Variants in TMEM117 observed in about 807,000 individuals in gnomAD.
The protein encoded by TMEM117 is transmembrane protein 117.
In TMEM117, 27 loss-of-function variants were observed where a neutral mutation model predicts 52.4. The observed-to-expected ratio is 0.51, with a 90% confidence interval of 0.38 to 0.71. The LOEUF is 0.71. TMEM117 is among the 30% of genes least tolerant of loss of function. TMEM117 has a pLI of 0.00. For missense variants in TMEM117, 556 were observed against 630.5 expected, an observed-to-expected ratio of 0.88 and a Z score of 1.26; for synonymous variants, 215 against 206.3, an observed-to-expected ratio of 1.04 and a Z score of -0.36.
chr12:43,993,656 TATTAA>T (rs1353517369), intron 3 of TMEM117, among the ~76,000 whole-genome samples: 1 of 152,170 alleles, frequency 6.6e-6, no homozygotes, highest in African/African-American at 2.4e-5. Context: ...GAATTGTTTA[TATTAA>T]ATTAAAAACC....
In TMEM117 at chr12:44,075,630, G is replaced by C. The variant is rs145920928; in HGVS notation, c.411-67895G>C. Among the ~76,000 whole-genome samples the C allele has an allele frequency of 3.2e-4, 49 of 152,264 alleles. No individual in the cohort carries two copies. In the East Asian group the frequency reaches 9.1e-3, roughly 28 times the overall value. ...TAGGAAAGGATATGCCAGTGGTAAG[G>C]TCAAGTCAGGCAGTGAGTTTAATCT... On this transcript the variant is annotated intron_variant, in intron 3 of 7. Coordinates refer to ENST00000266534, the MANE Select transcript of TMEM117 (RefSeq NM_032256.3).
chr12:44,143,856 G>A (rs138917718), intron 4 of TMEM117, among the ~76,000 whole-genome samples: 40 of 152,014 alleles, frequency 2.6e-4, no homozygotes, highest in African/African-American at 8.7e-4. Context: ...TCTGTCGATC[G>A]ATCTATCTAT....
At chr12:43,987,012 C>T (rs1945859162) in intron 3 of TMEM117, among the ~76,000 whole-genome samples, 1 of 152,088 alleles carries the variant, frequency 6.6e-6, no homozygotes, top group African/African-American at 2.4e-5. Context: ...CAAATTCTTT[C>T]GTTGAAGCCC....
intron 6 of TMEM117, among the ~76,000 whole-genome samples, chr12:44,303,762 A>T (rs1950871257): frequency 6.6e-6 from 1 of 152,116 alleles, no homozygotes. Flanking sequence ...TATCCCACCC[A>T]CCGTTCTTCT....
chr12:44,380,593 C>T (rs925740439), intron 7 of TMEM117, among the ~76,000 whole-genome samples: 3 of 152,154 alleles, frequency 2.0e-5, no homozygotes, highest in Admixed American at 6.5e-5. Flanking sequence ...TTCCTTAGCC[C>T]TTCAGAGACT....
intron 1 of TMEM117, among the ~76,000 whole-genome samples, chr12:43,838,012 G>A (rs1017788630): frequency 2.6e-5 from 4 of 152,260 alleles, no homozygotes; most frequent in African/African-American, 7.2e-5. Flanking sequence ...ACCACTTATG[G>A]TGGTTTTATT....
At chr12:43,812,355 T>C in the TMEM117 span, among the ~76,000 whole-genome samples, 1 of 152,188 alleles carries the variant, frequency 6.6e-6, no homozygotes, top group African/African-American at 2.4e-5. Flanking sequence ...AGAATCAAGC[T>C]TGTTAGAGGA....
intron 5 of TMEM117, among the ~76,000 whole-genome samples, chr12:44,282,322 G>T (rs1950587844): frequency 6.6e-6 from 1 of 152,162 alleles, no homozygotes. Context: ...TTGGAACTGG[G>T]TAACAGGCAG....
At chr12:44,083,403 T>G (rs1947515568) in intron 3 of TMEM117, among the ~76,000 whole-genome samples, 1 of 145,788 alleles carries the variant, frequency 6.9e-6, no homozygotes, top group Non-Finnish European at 1.5e-5. Flanking sequence ...TTTTTTTTTT[T>G]TTTTTTTTTT....
chr12:44,160,819 C>CT (rs1437402917), intron 4 of TMEM117, among the ~76,000 whole-genome samples: 2 of 152,082 alleles, frequency 1.3e-5, no homozygotes, highest in Non-Finnish European at 2.9e-5. Context: ...AGAAATTACC[C>CT]TATCAATGCC....
intron 5 of TMEM117, among the ~76,000 whole-genome samples, chr12:44,288,793 A>ATG (rs1449068866): frequency 6.6e-6 from 1 of 152,210 alleles, no homozygotes; most frequent in Non-Finnish European, 1.5e-5. Flanking sequence ...ATACATATGC[A>ATG]TGTATCAACA....
intron 5 of TMEM117, among the ~76,000 whole-genome samples, chr12:44,287,700 A>G (rs978978604): frequency 2.6e-5 from 4 of 152,232 alleles, no homozygotes; most frequent in African/African-American, 9.6e-5. Flanking sequence ...AGTGCTTCCT[A>G]TGAAAGGCAT....
In TMEM117 at chr12:44,120,969, A is replaced by G. The variant is rs1592534542; in HGVS notation, c.411-22556A>G. Among the ~76,000 whole-genome samples, 11 of 152,324 alleles carry G rather than the reference A, an allele frequency of 7.2e-5. No individual in the cohort carries two copies. In the South Asian group the frequency reaches 2.1e-3, roughly 29 times the overall value. The stretch of plus-strand genomic sequence containing the variant: ...CCCAAGACTGGGCAATTTACAAAAG[A>G]AAGAGGTTTATTGGACTTACAGTTC... On this transcript the variant is annotated intron_variant, in intron 3 of 7. Coordinates refer to ENST00000266534, the MANE Select transcript of TMEM117 (RefSeq NM_032256.3).
chr12:44,011,818 C>G (rs1027914423), intron 3 of TMEM117, among the ~76,000 whole-genome samples: 2 of 151,928 alleles, frequency 1.3e-5, no homozygotes, highest in African/African-American at 2.4e-5. Flanking sequence ...GGTGTTATAC[C>G]AAACTTCGTT....
Position 44,184,456 on chromosome 12 carries a change from G to A in TMEM117, c.511-26834G>A, listed in dbSNP as rs114365503. ...CAGAAAAAGGCAGAAGAGTTAGGGA[G>A]ATGCAGCAGGAGATATGGGGCAGAT... On this transcript the variant is annotated intron_variant, in intron 4 of 7. Coordinates refer to ENST00000266534, the MANE Select transcript of TMEM117 (RefSeq NM_032256.3). Among the ~76,000 whole-genome samples the A allele has an allele frequency of 8.1e-3, 1,236 of 152,296 alleles. 13 individuals carry two copies. The highest frequency in any genetic ancestry group is 0.028 in the African/African-American group (1,177 of 41,566).
intron 1 of TMEM117, among the ~76,000 whole-genome samples, chr12:43,838,145 A>T (rs77898379): frequency 1.3e-5 from 2 of 151,990 alleles, no homozygotes; most frequent in East Asian, 3.9e-4. Context: ...TTTAACCTGT[A>T]TTAGGCACTT....
chr12:44,074,745 T>C (rs1947355015), intron 3 of TMEM117, among the ~76,000 whole-genome samples: 1 of 152,166 alleles, frequency 6.6e-6, no homozygotes, highest in South Asian at 2.1e-4. Context: ...AAGTAAAAAC[T>C]GCAATTCTTA....
At position 44,243,423 on chromosome 12, in the gene TMEM117, A is replaced by G. The variant is rs188969408; in HGVS notation, c.608+32036A>G. 7.6e-3 allele frequency among the ~76,000 whole-genome samples: 1,156 copies of G among 152,058 alleles called. 5 individuals are homozygous for G. Among genetic ancestry groups the G allele is most frequent in the Non-Finnish European group, 0.013 (866 of 67,878 alleles). On this transcript the variant is annotated intron_variant, in intron 5 of 7. Coordinates refer to ENST00000266534, the MANE Select transcript of TMEM117 (RefSeq NM_032256.3). ...ACACACTCCTGAAAATGTAAAAATT[A>G]GATTAAATACTAATTTTAAATAAAT...
intron 5 of TMEM117, among the ~76,000 whole-genome samples, chr12:44,275,513 C>T (rs1467254559): frequency 1.3e-5 from 2 of 152,058 alleles, no homozygotes; most frequent in Non-Finnish European, 2.9e-5. Flanking sequence ...TGTTGCAGCA[C>T]TGTTCACAAT....
Sources: allele counts gnomAD v4.1 joint callset (sites outside exome capture counted in the v4.1 genomes callset), GRCh38; gene constraint gnomAD v4.1.1; transcripts MANE v1.5; gene names NCBI Gene and HGNC (gene_info 2026-07-23, HGNC 2026-07-21).